The following SH3BGRL variants were observed in gnomAD, a reference collection of about 807,000 sequenced individuals.
The protein encoded by SH3BGRL is SH3 domain binding glutamate rich protein like.
SH3BGRL carries 7 observed loss-of-function variants against 9.8 expected under a neutral mutation model. The ratio of observed to expected loss-of-function variants is 0.72; its 90% confidence interval spans 0.41 to 1.35. The LOEUF (loss-of-function observed/expected upper bound fraction) is 1.35, where lower values mean the gene tolerates loss of function less well. Among genes scored for constraint, SH3BGRL ranks in the 40% most tolerant of loss-of-function variants. The probability of loss-of-function intolerance (pLI) is 0.01; values close to 1 mark genes in which losing one functional copy is unlikely to be tolerated. For synonymous variants in SH3BGRL, 36 were observed against 29.1 expected (o/e 1.24, Z -0.76); for missense variants, 73 against 84.4 (o/e 0.86, Z 0.53).
intron 3 of SH3BGRL, among the ~76,000 whole-genome samples, chrX:81,293,264 G>C (rs2075863821): frequency 8.9e-6 from 1 of 112,346 alleles, no homozygotes; most frequent in South Asian, 3.7e-4. Flanking sequence ...ATGTGGAACT[G>C]TAAGTCTAAT....
At chrX:81,294,042 T>C (rs1314730904) in intron 3 of SH3BGRL, among the ~76,000 whole-genome samples, 2 of 110,434 alleles carry the variant, frequency 1.8e-5, no homozygotes, top group African/African-American at 6.6e-5. Flanking sequence ...AAGAGGTGAC[T>C]TGGGTGTGGT....
At chrX:81,276,866 A>G in intron 1 of SH3BGRL, 118 bp from the exon 2 acceptor site, 1 of 593,114 alleles carries the variant, frequency 1.7e-6, no homozygotes, top group Non-Finnish European at 2.6e-6. Context: ...AAGAGTGAAA[A>G]TCATATAACT....
chrX:81,283,154 G>C (rs2075823335), intron 3 of SH3BGRL, among the ~76,000 whole-genome samples: 1 of 111,424 alleles, frequency 9.0e-6, no homozygotes, highest in Non-Finnish European at 1.9e-5. Flanking sequence ...CCAATAACAG[G>C]CATCAAGATT....
chrX:81,295,023 G>A (rs1349163681), intron 3 of SH3BGRL, among the ~76,000 whole-genome samples: 2 of 112,330 alleles, frequency 1.8e-5, no homozygotes, highest in South Asian at 3.7e-4. Context: ...TACCATCGTT[G>A]TATCTAGGAA....
chrX:81,278,339 TG>T lies in SH3BGRL; in HGVS notation c.241del (p.Ala81ProfsTer15). ...NESQYRGDYDAFFEARENNAV... is the reference protein window; with the variant it reads ...NESQYRGDYDXFFEARENNAV... The stretch of plus-strand genomic sequence containing the variant: ...ATCTTCTTTTCATCAAGGACTATGA[TG>T]CCTTCTTTGAAGCCAGAGAAAATAA... On this transcript the variant is annotated frameshift_variant, in exon 3 of 4. Coordinates refer to ENST00000373212, the MANE Select transcript of SH3BGRL (RefSeq NM_003022.3). LOFTEE classifies it high-confidence loss of function. 1 of 1,184,541 alleles carries T rather than the reference TG, an allele frequency of 8.4e-7. No individual in the cohort carries two copies. The highest frequency in any genetic ancestry group is 1.1e-6 in the Non-Finnish European group (1 of 874,560).
At chrX:81,224,013 G>A (rs372234132) in intron 1 of SH3BGRL, among the ~76,000 whole-genome samples, 3 of 111,513 alleles carry the variant, frequency 2.7e-5, no homozygotes, top group African/African-American at 6.5e-5. Flanking sequence ...ATTCCCTAAA[G>A]CTCAAGTATT....
At chrX:81,237,084 G>T (rs1328345099) in intron 1 of SH3BGRL, 1 of 916,739 alleles carries the variant, frequency 1.1e-6, no homozygotes. Context: ...GTCAAGTAAT[G>T]TTATTGAATT....
At chrX:81,235,003 C>T (rs1468023465) in intron 1 of SH3BGRL, among the ~76,000 whole-genome samples, 6 of 111,640 alleles carry the variant, frequency 5.4e-5, no homozygotes, top group African/African-American at 1.9e-4. Flanking sequence ...AACAAGCTAT[C>T]ATTTAATGGT....
At chrX:81,249,822 G>T (rs2075703290) in intron 1 of SH3BGRL, among the ~76,000 whole-genome samples, 2 of 111,263 alleles carry the variant, frequency 1.8e-5, no homozygotes, top group Non-Finnish European at 3.8e-5. Flanking sequence ...TCGGTGAATG[G>T]AAATTTTAAT....
chrX:81,262,364 A>G (rs1395882770), intron 1 of SH3BGRL, among the ~76,000 whole-genome samples: 1 of 111,650 alleles, frequency 9.0e-6, no homozygotes. Context: ...TGAGAAAGGC[A>G]TTTCTTCTTT....
intron 1 of SH3BGRL, among the ~76,000 whole-genome samples, chrX:81,239,799 G>C (rs2075662115): frequency 1.8e-5 from 2 of 112,088 alleles, no homozygotes; most frequent in South Asian, 3.7e-4. Context: ...ACATACAATG[G>C]AGCTCCAATG....
intron 1 of SH3BGRL, among the ~76,000 whole-genome samples, chrX:81,258,528 T>C (rs1256807483): frequency 1.8e-5 from 2 of 112,540 alleles, no homozygotes; most frequent in African/African-American, 3.2e-5. Flanking sequence ...TTCCAAGGCA[T>C]ATGATAGTGC....
intron 3 of SH3BGRL, among the ~76,000 whole-genome samples, chrX:81,286,498 C>CAAAAAAAA (rs570813241): frequency 4.3e-5 from 2 of 46,398 alleles, no homozygotes; most frequent in Non-Finnish European, 7.1e-5. Flanking sequence ...AGCTACTAGG[C>CAAAAAAAA]AAAAAAAAAA....
chrX:81,203,862 T>G (rs1375123509), intron 1 of SH3BGRL, among the ~76,000 whole-genome samples: 2 of 111,297 alleles, frequency 1.8e-5, no homozygotes, highest in East Asian at 5.6e-4. Context: ...CTTCTATTAT[T>G]TCCTTTATTG....
At chrX:81,262,950 C>T (rs2075745552) in intron 1 of SH3BGRL, among the ~76,000 whole-genome samples, 1 of 111,535 alleles carries the variant, frequency 9.0e-6, no homozygotes, top group African/African-American at 3.3e-5. Flanking sequence ...TCCCTACCTC[C>T]AGATAGCCTA....
chrX:81,250,939 G>A (rs2075707868), intron 1 of SH3BGRL, among the ~76,000 whole-genome samples: 1 of 110,907 alleles, frequency 9.0e-6, no homozygotes, highest in Non-Finnish European at 1.9e-5. Context: ...TACACCATCA[G>A]GTAGAGAGTT....
intron 1 of SH3BGRL, among the ~76,000 whole-genome samples, chrX:81,243,982 AATG>A (rs2075680139): frequency 8.9e-6 from 1 of 111,759 alleles, no homozygotes; most frequent in African/African-American, 3.3e-5. Context: ...CACCTATTGA[AATG>A]ATAACAGTAA....
intron 1 of SH3BGRL, among the ~76,000 whole-genome samples, chrX:81,260,628 A>G (rs994568651): frequency 9.0e-6 from 1 of 111,016 alleles, no homozygotes; most frequent in African/African-American, 3.3e-5. Context: ...ACTTACTTGT[A>G]GCAGAAAGAG....
At chrX:81,268,383 T>C (rs2075765184) in intron 1 of SH3BGRL, among the ~76,000 whole-genome samples, 1 of 112,229 alleles carries the variant, frequency 8.9e-6, no homozygotes, top group Admixed American at 9.5e-5. Flanking sequence ...CTCTACACAC[T>C]GCTTTAAATG....
Sources: allele counts gnomAD v4.1 joint callset (sites outside exome capture counted in the v4.1 genomes callset), GRCh38; gene constraint gnomAD v4.1.1; transcripts MANE v1.5; gene names NCBI Gene and HGNC (gene_info 2026-07-23, HGNC 2026-07-21).